The following PRKCZ variants were observed in gnomAD, a reference collection of about 807,000 sequenced individuals.
The protein encoded by PRKCZ is protein kinase C zeta.
In PRKCZ, 33 loss-of-function variants were observed where a neutral mutation model predicts 79.5. The ratio of observed to expected loss-of-function variants is 0.41; its 90% CI spans 0.31 to 0.55. PRKCZ has a LOEUF of 0.55. Among genes scored for constraint, PRKCZ ranks in the 20% least tolerant of loss-of-function variants. The pLI is 0.19. For synonymous variants in PRKCZ, 342 were observed against 320.9 expected (o/e 1.07, Z -0.70); for missense variants, 578 against 813.5 (o/e 0.71, Z 3.52).
Position 2,082,522 on chromosome 1 carries a change from C to A in PRKCZ, c.334+22931C>A. The A allele has an allele frequency of 2.4e-6, 1 of 409,930 alleles. No homozygotes were observed. Among genetic ancestry groups the A allele is most frequent in the South Asian group, 1.8e-5 (1 of 56,078 alleles). 25.4% of individuals were successfully genotyped at this position (409,930 alleles called of 1,614,324 possible). A position where few individuals can be genotyped will look rare whatever the true frequency, so the allele number is the denominator to read the frequency against. ...GTTTTGTGATGTGGGCAGTGCCGTGCTGGTAAATGCTCTGTGAGGAAGGAA... is the reference window on the plus strand; with the variant it reads ...GTTTTGTGATGTGGGCAGTGCCGTGATGGTAAATGCTCTGTGAGGAAGGAA... On this transcript the variant is annotated intron_variant, in intron 4 of 17. Coordinates refer to ENST00000378567, the MANE Select transcript of PRKCZ (RefSeq NM_002744.6). The surrounding 1 kb of genome is among the most constrained non-coding windows in gnomAD (Gnocchi z 4.4).
intron 16 of PRKCZ, chr1:2,181,830 A>T (rs758372285): frequency 2.2e-6 from 1 of 456,176 alleles, no homozygotes; most frequent in South Asian, 1.5e-5. Context: ...TTTTATCGGC[A>T]GGTGTTTCAT....
intron 4 of PRKCZ, among the ~76,000 whole-genome samples, chr1:2,129,524 A>G (rs1252386430): frequency 6.6e-6 from 1 of 152,170 alleles, no homozygotes; most frequent in Non-Finnish European, 1.5e-5. Flanking sequence ...GCGGACGCAG[A>G]CAGTGGGTGA....
chr1:2,181,866 T>C (rs1180046774), intron 16 of PRKCZ: 6 of 456,368 alleles, frequency 1.3e-5, no homozygotes, highest in Admixed American at 4.7e-5. Flanking sequence ...AACTGATGAA[T>C]GAAGGGGGCA....
At chr1:2,078,046 C>T (rs1047080003) in intron 4 of PRKCZ, among the ~76,000 whole-genome samples, 2 of 152,242 alleles carry the variant, frequency 1.3e-5, no homozygotes, top group African/African-American at 4.8e-5. Flanking sequence ...ACTCCAGTTT[C>T]CTCTTCCCAG....
At chr1:2,079,617 C>A (rs1371524843) in intron 4 of PRKCZ, among the ~76,000 whole-genome samples, 2 of 152,342 alleles carry the variant, frequency 1.3e-5, no homozygotes, top group African/African-American at 2.4e-5. Flanking sequence ...TGGGATTAGC[C>A]AGTAACTAAG....
intron 3 of PRKCZ, among the ~76,000 whole-genome samples, chr1:2,059,310 C>T (rs1660457450): frequency 6.6e-6 from 1 of 152,192 alleles, no homozygotes; most frequent in African/African-American, 2.4e-5. Flanking sequence ...CTGTCCAGGT[C>T]CCTCTGATTG....
At chr1:2,158,820 G>A (rs1681631483) in intron 10 of PRKCZ, among the ~76,000 whole-genome samples, 1 of 152,156 alleles carries the variant, frequency 6.6e-6, no homozygotes, top group Admixed American at 6.5e-5. Context: ...TTAAAGAATT[G>A]TCGTCTGTGG....
Position 2,173,846 on chromosome 1 carries a change from G to A in PRKCZ, c.1286-51G>A. ...AACCAACGCCAGCCAGGTTCGTCCT[G>A]CTGCCGGCCCATGTGGCCCCACTCG... is the stretch of plus-strand genomic sequence containing the variant. On this transcript the variant is annotated intron_variant, in intron 13 of 17. Coordinates refer to ENST00000378567, the MANE Select transcript of PRKCZ (RefSeq NM_002744.6). The surrounding 1 kb of genome is among the most constrained non-coding windows in gnomAD (Gnocchi z 5.7). 1 of 1,527,656 alleles carries A rather than the reference G, an allele frequency of 6.5e-7. No homozygotes were observed. The highest frequency in any genetic ancestry group is 8.8e-7 in the Non-Finnish European group (1 of 1,132,764). 94.6% of individuals were successfully genotyped at this position (1,527,656 alleles called of 1,614,324 possible).
At chr1:2,059,789 A>G (rs1660504290) in intron 4 of PRKCZ, among the ~76,000 whole-genome samples, 198 bp downstream of exon 4, 1 of 152,222 alleles carries the variant, frequency 6.6e-6, no homozygotes, top group Admixed American at 6.5e-5. Context: ...ACAGCACCAC[A>G]TGGCGGGGGA....
At chr1:2,159,479 C>G (rs1681796185) in intron 10 of PRKCZ, among the ~76,000 whole-genome samples, 1 of 152,252 alleles carries the variant, frequency 6.6e-6, no homozygotes, top group Non-Finnish European at 1.5e-5. Flanking sequence ...TGGGCGGCCT[C>G]ACAGCTCCCG....
Position 2,144,459 on chromosome 1 carries a change from G to A in PRKCZ, c.552+118G>A, listed in dbSNP as rs559656871. On this transcript the variant is annotated intron_variant, in intron 6 of 17. Coordinates refer to ENST00000378567, the MANE Select transcript of PRKCZ (RefSeq NM_002744.6). Reference sequence around the variant, plus strand: ...GTTCTTCAAGAGGGGCCGTGGTGCCGTCCTAGCTCTGGGCTGCAGCGTGAG... The same window carrying A: ...GTTCTTCAAGAGGGGCCGTGGTGCCATCCTAGCTCTGGGCTGCAGCGTGAG... 7.4e-5 allele frequency: 109 copies of A among 1,478,986 alleles called. 2 individuals are homozygous for A. In the South Asian group the frequency reaches 9.5e-4, roughly 13 times the overall value. 91.6% of individuals were successfully genotyped at this position (1,478,986 alleles called of 1,614,324 possible).
At chr1:2,089,050 C>T (rs6694101) in intron 4 of PRKCZ, among the ~76,000 whole-genome samples, 59,656 of 152,116 alleles carry the variant, frequency 0.39, 12,658 homozygotes, top group East Asian at 0.75. Context: ...CCCTCCCTGT[C>T]ATCAGCTAAT....
rs182392900 is a variant in PRKCZ at position 2,110,219 on chromosome 1, C to T, written c.335-25043C>T. 4.6e-3 allele frequency among the ~76,000 whole-genome samples: 677 copies of T among 148,536 alleles called. 7 individuals carry two copies. The highest frequency in any genetic ancestry group is 0.016 in the African/African-American group (635 of 40,082). On this transcript the variant is annotated intron_variant, in intron 4 of 17. Coordinates refer to ENST00000378567, the MANE Select transcript of PRKCZ (RefSeq NM_002744.6). ...AACGGCCAGGGCTGAATCCGGGGCCCTCCCTGGGGGCAGCCAAGGACCTAA... is the reference window on the plus strand; with the variant it reads ...AACGGCCAGGGCTGAATCCGGGGCCTTCCCTGGGGGCAGCCAAGGACCTAA...
intron 4 of PRKCZ, among the ~76,000 whole-genome samples, chr1:2,114,765 T>C (rs1452292988): frequency 6.6e-6 from 1 of 151,584 alleles, no homozygotes; most frequent in Non-Finnish European, 1.5e-5. Context: ...AGAGCGAGAC[T>C]CCGTCTCAAA....
chr1:2,161,896 C>CT (rs1291282837), intron 10 of PRKCZ, among the ~76,000 whole-genome samples: 1 of 151,960 alleles, frequency 6.6e-6, no homozygotes, highest in African/African-American at 2.4e-5. Flanking sequence ...GAAATTGTGC[C>CT]TTTGCTGCTT....
At chr1:2,085,193 C>T (rs1214022262) in intron 4 of PRKCZ, among the ~76,000 whole-genome samples, 4 of 152,112 alleles carry the variant, frequency 2.6e-5, no homozygotes, top group African/African-American at 9.7e-5. Context: ...AAAGGGAAGA[C>T]AAAGACGTAG....
intron 4 of PRKCZ, among the ~76,000 whole-genome samples, chr1:2,106,091 G>T (rs532995224): frequency 6.6e-6 from 1 of 152,182 alleles, no homozygotes; most frequent in South Asian, 2.1e-4. Flanking sequence ...TGAGGGCCTC[G>T]CCCAGGACTT....
chr1:2,101,841 G>A (rs567760910), intron 4 of PRKCZ, among the ~76,000 whole-genome samples: 6 of 152,322 alleles, frequency 3.9e-5, no homozygotes, highest in African/African-American at 9.6e-5. Context: ...CAGTAGACAC[G>A]CAAGGATACA....
At chr1:2,161,038 A>T (rs1682176835) in intron 10 of PRKCZ, among the ~76,000 whole-genome samples, 2 of 152,134 alleles carry the variant, frequency 1.3e-5, no homozygotes. Flanking sequence ...TGGGAAGGGC[A>T]GGTGCCTCTT....
Sources: gnomAD v4.1 joint callset for allele counts (sites outside exome capture counted in the v4.1 genomes callset) on GRCh38, gnomAD v4.1.1 for gene constraint, Gnocchi (gnomAD v3.1) non-coding constraint, MANE v1.5 for transcripts, NCBI Gene and HGNC (gene_info 2026-07-23, HGNC 2026-07-21) for gene names.